The following RNLS variants were observed in gnomAD, a reference collection of about 807,000 sequenced individuals.
RNLS encodes the protein renalase.
A neutral mutation model predicts 39.8 loss-of-function variants in RNLS; 39 were observed. The ratio of observed to expected loss-of-function variants is 0.98; its 90% CI spans 0.76 to 1.28. The LOEUF (loss-of-function observed/expected upper bound fraction) is 1.28, where lower values mean the gene tolerates loss of function less well. RNLS is among the 50% of genes most tolerant of loss of function. RNLS has a pLI of 0.00. For missense variants in RNLS, 410 were observed against 413.3 expected, an observed-to-expected ratio of 0.99 and a Z score of 0.07; for synonymous variants, 147 against 150.7, an observed-to-expected ratio of 0.98 and a Z score of 0.18.
intron 4 of RNLS, among the ~76,000 whole-genome samples, chr10:88,544,361 G>A (rs948450938): frequency 6.6e-6 from 1 of 152,110 alleles, no homozygotes; most frequent in Non-Finnish European, 1.5e-5. Context: ...AGAGATAAAT[G>A]CACTCTTCCT....
At chr10:88,537,647 C>CA (rs201494971) in intron 4 of RNLS, among the ~76,000 whole-genome samples, 3,435 of 151,404 alleles carry the variant, frequency 0.023, 66 homozygotes, top group Middle Eastern at 0.045. Flanking sequence ...CAAAAACAGG[C>CA]AAAAAAAACA....
At chr10:88,387,358 T>C (rs955590974) in intron 4 of RNLS, among the ~76,000 whole-genome samples, 15 of 152,118 alleles carry the variant, frequency 9.9e-5, no homozygotes, top group African/African-American at 3.4e-4. Context: ...TCTGATTGGC[T>C]TTCCAGCCAG....
At chr10:88,257,600 GA>G in the RNLS span, among the ~76,000 whole-genome samples, 1 of 152,272 alleles carries the variant, frequency 6.6e-6, no homozygotes, top group African/African-American at 2.4e-5. Flanking sequence ...TGAATCCCTA[GA>G]GCCTAGTTTC....
At chr10:88,451,961 T>G (rs562467718) in intron 4 of RNLS, among the ~76,000 whole-genome samples, 2 of 152,342 alleles carry the variant, frequency 1.3e-5, no homozygotes, top group East Asian at 3.9e-4. Flanking sequence ...CCCAGGGGCA[T>G]AACCCACTGC....
chr10:88,320,047 G>C (rs1031723539), intron 5 of RNLS, among the ~76,000 whole-genome samples: 1 of 151,724 alleles, frequency 6.6e-6, no homozygotes, highest in African/African-American at 2.4e-5. Flanking sequence ...TGAAAAAAAG[G>C]GATAAATTAC....
At chr10:88,548,799 T>C (rs1036910057) in intron 4 of RNLS, among the ~76,000 whole-genome samples, 4 of 151,346 alleles carry the variant, frequency 2.6e-5, no homozygotes, top group African/African-American at 9.7e-5. Context: ...TTTTCCATAA[T>C]TCTATAATTC....
At chr10:88,263,231 C>T in the RNLS span, among the ~76,000 whole-genome samples, 537 of 152,030 alleles carry the variant, frequency 3.5e-3, 2 homozygotes, top group South Asian at 0.023. Context: ...AAATTCATGA[C>T]GAGAATTTGA....
chr10:88,288,086 A>G (rs1843405486), intron 6 of RNLS, among the ~76,000 whole-genome samples: 1 of 152,178 alleles, frequency 6.6e-6, no homozygotes, highest in Non-Finnish European at 1.5e-5. Context: ...AATGTTCACC[A>G]TGATGGCCCC....
chr10:88,558,606 C>T lies in RNLS; in HGVS notation c.526+14297G>A, dbSNP rs74147227. Among the ~76,000 whole-genome samples the T allele has an allele frequency of 3.9e-3, 594 of 152,142 alleles. 5 individuals are homozygous for T. The highest frequency in any genetic ancestry group is 0.013 in the African/African-American group (534 of 41,508). On this transcript the variant is annotated intron_variant, in intron 4 of 6. Transcript: ENST00000331772. The stretch of plus-strand genomic sequence containing the variant: ...TAAACTCCAAGATGATGGAAGTCTC[C>T]GCTGTTTCTACTGATGTCCCCATTT...
In RNLS at chr10:88,582,299, T is replaced by C. The variant is rs1377673376; in HGVS notation, c.127A>G (p.Met43Val). 24 of 1,612,710 alleles carry C rather than the reference T, an allele frequency of 1.5e-5. No individual in the cohort carries two copies. The Admixed American group carries it at 3.4e-4, about 23-fold the overall frequency. The change falls in exon 2 of 7, where the codon ATG becomes GTG. Residue 43 changes from methionine to valine, a missense_variant. Transcript: ENST00000331772. ...WDKAEDSGGR[M>V]TTACSPHNPQ... The stretch of plus-strand genomic sequence containing the variant: ...TTATGAGGACTGCAGGCTGTAGTCA[T>C]TCTTCCCCCTTGAATTAATCCACAG...
chr10:88,462,165 G>T (rs576574053), intron 4 of RNLS, among the ~76,000 whole-genome samples: 2 of 151,864 alleles, frequency 1.3e-5, no homozygotes. Flanking sequence ...CCACTGACCA[G>T]ACAATAGGTA....
chr10:88,400,879 C>CT (rs1161922542), intron 4 of RNLS, among the ~76,000 whole-genome samples: 3 of 151,952 alleles, frequency 2.0e-5, no homozygotes, highest in African/African-American at 7.2e-5. Flanking sequence ...AATACCTTAA[C>CT]TTTTTACAAA....
At chr10:88,280,770 G>T (rs1349456113), downstream of RNLS, among the ~76,000 whole-genome samples, 2 of 152,152 alleles carry the variant, frequency 1.3e-5, no homozygotes, top group Admixed American at 6.5e-5. Flanking sequence ...GTGCTCATAT[G>T]CATAGTTGTC....
intron 5 of RNLS, among the ~76,000 whole-genome samples, chr10:88,338,756 T>TC (rs1456081827): frequency 6.9e-6 from 1 of 143,930 alleles, no homozygotes; most frequent in African/African-American, 2.5e-5. Context: ...AAGCTAGATT[T>TC]CCTTTTTTTT....
At chr10:88,470,293 A>C (rs888850489) in intron 4 of RNLS, among the ~76,000 whole-genome samples, 1 of 152,152 alleles carries the variant, frequency 6.6e-6, no homozygotes, top group Admixed American at 6.6e-5. Context: ...ATAGTACCCG[A>C]TAGGTAGACA....
chr10:88,241,256 A>T, the RNLS span, among the ~76,000 whole-genome samples: 1 of 151,636 alleles, frequency 6.6e-6, no homozygotes, highest in Admixed American at 6.6e-5. Context: ...TTCAAAAAAA[A>T]AAAAAGTCCG....
the RNLS span, among the ~76,000 whole-genome samples, chr10:88,234,321 C>T: frequency 6.6e-6 from 1 of 152,082 alleles, no homozygotes; most frequent in Non-Finnish European, 1.5e-5. Context: ...TTGGACCCTT[C>T]TCTTCTCTTG....
At chr10:88,252,641 A>G in the RNLS span, among the ~76,000 whole-genome samples, 1 of 150,088 alleles carries the variant, frequency 6.7e-6, no homozygotes, top group Non-Finnish European at 1.5e-5. Flanking sequence ...AGTTTCTCTC[A>G]TGGGTGCTAA....
At position 88,371,653 on chromosome 10, in the gene RNLS, C is replaced by T. The variant is rs545516239; in HGVS notation, c.527-8928G>A. ...CATTATATTTCTTAATCCTATCTCA[C>T]AATCGTATAAAAATAAAGGGCACCA... is the stretch of plus-strand genomic sequence containing the variant. On this transcript the variant is annotated intron_variant, in intron 4 of 6. Coordinates refer to ENST00000331772, the MANE Select transcript of RNLS (RefSeq NM_001031709.3). Among the ~76,000 whole-genome samples the T allele has an allele frequency of 7.9e-5, 12 of 152,232 alleles. No individual in the cohort carries two copies. In the South Asian group the frequency reaches 2.5e-3, roughly 32 times the overall value.
Sources: allele counts gnomAD v4.1 joint callset (sites outside exome capture counted in the v4.1 genomes callset), GRCh38; gene constraint gnomAD v4.1.1; transcripts MANE v1.5; gene names NCBI Gene and HGNC (gene_info 2026-07-23, HGNC 2026-07-21).